Variants in TOPAZ1 observed in about 807,000 individuals in gnomAD.
The protein encoded by TOPAZ1 is testis and ovary specific TOPAZ 1.
TOPAZ1 carries 66 observed loss-of-function variants against 172.2 expected under a neutral mutation model. The ratio of observed to expected loss-of-function variants is 0.38; its 90% CI spans 0.31 to 0.47. The LOEUF (loss-of-function observed/expected upper bound fraction) is 0.47. TOPAZ1 is among the 20% of genes least tolerant of loss of function. The pLI is 0.99. For missense variants in TOPAZ1, 1,822 were observed against 1,972.4 expected, an observed-to-expected ratio of 0.92 and a Z score of 1.44; for synonymous variants, 681 against 683.9, an observed-to-expected ratio of 1.00 and a Z score of 0.07.
rs1388935633 is a variant in TOPAZ1 at position 44,244,066 on chromosome 3, T to G, written c.1560T>G (p.Arg520=). 6.4e-7 allele frequency: 1 copy of G among 1,551,796 alleles called. No homozygotes were observed. The highest frequency in any genetic ancestry group is 8.7e-7 in the Non-Finnish European group (1 of 1,146,996). ...ASLPESSYFL[R]GSQESCRQVD... The stretch of plus-strand genomic sequence containing the variant: ...TGCCAGAATCAAGTTACTTTCTTCG[T>G]GGGTCTCAGGAAAGTTGTAGGCAAG... The change falls in exon 2 of 20, where the codon CGT becomes CGG. Residue 520 remains arginine (R), a synonymous_variant. Coordinates refer to ENST00000309765, the MANE Select transcript of TOPAZ1 (RefSeq NM_001145030.2).
chr3:44,254,129 T>C (rs1699666868), intron 2 of TOPAZ1, among the ~76,000 whole-genome samples: 1 of 152,216 alleles, frequency 6.6e-6, no homozygotes. Flanking sequence ...ACAGATATGG[T>C]TAAACTTAAA....
At chr3:44,312,231 C>CAAAAAAAAAAAAAAAAAAAAA (rs1159011578) in intron 16 of TOPAZ1, among the ~76,000 whole-genome samples, 1 of 58,150 alleles carries the variant, frequency 1.7e-5, no homozygotes, top group Non-Finnish European at 3.7e-5. Context: ...ATTGCAAAGC[C>CAAAAAAAAAAAAAAAAAAAAA]AAAAAAAAAA....
At chr3:44,257,467 ATAGTGTGT>A (rs1206787232) in intron 4 of TOPAZ1, among the ~76,000 whole-genome samples, 11,152 of 105,878 alleles carry the variant, frequency 0.11, 651 homozygotes, top group Middle Eastern at 0.16. Context: ...ATATATATAT[ATAGTGTGT>A]GTGTGTGTGT....
At chr3:44,305,363 G>T (rs1307913859) in intron 14 of TOPAZ1, 42 bp downstream of exon 14, 1 of 1,449,418 alleles carries the variant, frequency 6.9e-7, no homozygotes, top group Admixed American at 3.0e-5. Context: ...TATGAGGATG[G>T]TGCAGTTTTC....
chr3:44,280,235 G>A (rs1424515352), intron 8 of TOPAZ1, among the ~76,000 whole-genome samples: 2 of 151,124 alleles, frequency 1.3e-5, no homozygotes, highest in African/African-American at 4.9e-5. Context: ...CTGTTAGTCT[G>A]ATGGAGATTT....
At position 44,298,739 on chromosome 3, in the gene TOPAZ1, C is replaced by T. The variant is rs116106129; in HGVS notation, c.3798-5276C>T. On this transcript the variant is annotated intron_variant, in intron 12 of 19. Transcript: ENST00000309765. Reference sequence around the variant, plus strand: ...AAAAACAAAAACTTTGACCCAAACCCGACACCTTATACAAAAATTAATTCA... The same window carrying T: ...AAAAACAAAAACTTTGACCCAAACCTGACACCTTATACAAAAATTAATTCA... Among the ~76,000 whole-genome samples the T allele has an allele frequency of 9.7e-3, 1,414 of 145,242 alleles. 28 individuals carry two copies. The highest frequency in any genetic ancestry group is 0.034 in the African/African-American group (1,342 of 39,448).
intron 4 of TOPAZ1, among the ~76,000 whole-genome samples, chr3:44,259,266 A>G (rs949195876): frequency 5.4e-5 from 8 of 148,392 alleles, no homozygotes; most frequent in African/African-American, 1.2e-4. Flanking sequence ...CCTGCTTTTC[A>G]TATCTCTCCA....
chr3:44,257,666 CACAGGAAGTT>C (rs985457543), intron 4 of TOPAZ1, among the ~76,000 whole-genome samples: 4 of 151,558 alleles, frequency 2.6e-5, no homozygotes, highest in South Asian at 2.1e-4. Context: ...AATAGAGATT[CACAGGAAGTT>C]ACAAAGGTAG....
chr3:44,313,115 C>T (rs1266641984), intron 16 of TOPAZ1, among the ~76,000 whole-genome samples: 1 of 152,084 alleles, frequency 6.6e-6, no homozygotes, highest in African/African-American at 2.4e-5. Context: ...TCCATGAATC[C>T]ACTTTTACTG....
Position 44,257,410 on chromosome 3 carries a change from TA to T in TOPAZ1, c.2955+1133del, listed in dbSNP as rs1345053223. ...GTGTGTGTGTGTGTGTGTGTGTGTC[TA>T]TTTTATATATTTTATATATATATAA... On this transcript the variant is annotated intron_variant, in intron 4 of 19. Transcript: ENST00000309765. Among the ~76,000 whole-genome samples, 965 of 114,420 alleles carry T rather than the reference TA, an allele frequency of 8.4e-3. 6 individuals are homozygous for T. Among genetic ancestry groups the T allele is most frequent in the African/African-American group, 0.013 (324 of 24,940 alleles). The allele number at this position is 114,420 out of a possible 152,430, so 75.1% of individuals were successfully genotyped here.
chr3:44,328,257 T>C lies in TOPAZ1; in HGVS notation c.4683T>C (p.Leu1561=). 6.7e-7 allele frequency: 1 copy of C among 1,482,782 alleles called. No homozygotes were observed. Among genetic ancestry groups the C allele is most frequent in the Non-Finnish European group, 8.9e-7 (1 of 1,121,932 alleles). The allele number at this position is 1,482,782 out of a possible 1,614,324, so 91.9% of individuals were successfully genotyped here. A position where few individuals can be genotyped will look rare whatever the true frequency, so the allele number is the denominator to read the frequency against. ...LKARAHYKSA[L]SLGCYPPLEG... ...TATTATTTGATTTTTCAGGTGCTCT[T>C]TCCTTGGGTTGCTACCCACCATTGG... The change falls in exon 19 of 20, where the codon CTT becomes CTC. Residue 1561 remains leucine (L), a synonymous_variant. Transcript: ENST00000309765.
Position 44,243,793 on chromosome 3 carries a change from G to A in TOPAZ1, c.1287G>A (p.Glu429=), listed in dbSNP as rs78154320. The stretch of plus-strand genomic sequence containing the variant: ...AACCACTTTTGAAAGAAGAAACAGA[G>A]AATGCTTCAGAGCCGTTAGGTTATG... ...TIEPLLKEET[E]NASEPLGYES... The change falls in exon 2 of 20, where the codon GAG becomes GAA. Residue 429 remains glutamate, a synonymous_variant. Transcript: ENST00000309765. 1.9e-3 allele frequency: 3,007 copies of A among 1,551,714 alleles called. 46 individuals are homozygous for A. In the African/African-American group the frequency reaches 0.037, roughly 19 times the overall value.
chr3:44,311,124 C>CATAT (rs201160819), intron 16 of TOPAZ1, among the ~76,000 whole-genome samples: 18 of 151,580 alleles, frequency 1.2e-4, no homozygotes, highest in African/African-American at 2.2e-4. Flanking sequence ...AACACTAGCA[C>CATAT]ATATATATAT....
intron 16 of TOPAZ1, among the ~76,000 whole-genome samples, chr3:44,311,741 G>T (rs1700399714): frequency 6.6e-6 from 1 of 152,108 alleles, no homozygotes; most frequent in African/African-American, 2.4e-5. Flanking sequence ...TAGTGAACAG[G>T]CCATTCCCAA....
intron 16 of TOPAZ1, among the ~76,000 whole-genome samples, chr3:44,315,191 T>C (rs1035554374): frequency 4.1e-5 from 6 of 144,696 alleles, no homozygotes; most frequent in African/African-American, 1.6e-4. Context: ...GTTGCAGGTT[T>C]TGAAAGAACG....
downstream of TOPAZ1, among the ~76,000 whole-genome samples, chr3:44,335,444 T>C (rs147178724): frequency 1.1e-3 from 172 of 152,116 alleles, no homozygotes; most frequent in African/African-American, 4.0e-3. Context: ...GCCAACATGG[T>C]GAAACCCTGA....
At chr3:44,266,944 T>G (rs2125684984) in intron 5 of TOPAZ1, 53 bp from the exon 6 acceptor site, 1 of 1,332,552 alleles carries the variant, frequency 7.5e-7, no homozygotes, top group Non-Finnish European at 1.0e-6. Context: ...AAGCATTACT[T>G]TAATGTTTAA....
At chr3:44,279,525 GT>G (rs1699999542) in intron 8 of TOPAZ1, among the ~76,000 whole-genome samples, 1 of 151,986 alleles carries the variant, frequency 6.6e-6, no homozygotes, top group African/African-American at 2.4e-5. Context: ...GTTTTAAGTT[GT>G]TATATCCTGT....
chr3:44,265,265 TA>T (rs1382980580), intron 5 of TOPAZ1, among the ~76,000 whole-genome samples: 1 of 152,178 alleles, frequency 6.6e-6, no homozygotes, highest in Non-Finnish European at 1.5e-5. Flanking sequence ...TTAGCAGGCA[TA>T]AAAACAACAT....
Sources: gnomAD v4.1 joint callset for allele counts (sites outside exome capture counted in the v4.1 genomes callset) on GRCh38, gnomAD v4.1.1 for gene constraint, MANE v1.5 for transcripts, NCBI Gene and HGNC (gene_info 2026-07-23, HGNC 2026-07-21) for gene names.